PARP8: variants seen among roughly 807,000 people sequenced by gnomAD.
PARP8 encodes the protein poly(ADP-ribose) polymerase family member 8.
Under a neutral mutation model 124.1 loss-of-function variants are expected in PARP8, and 51 were observed. The observed-to-expected ratio is 0.41, with a 90% CI of 0.33 to 0.52. PARP8 has a LOEUF of 0.52. Among genes scored for constraint, PARP8 ranks in the 20% least tolerant of loss-of-function variants. PARP8 has a pLI of 0.21. For synonymous variants in PARP8, 391 were observed against 361.5 expected, an observed-to-expected ratio of 1.08 and a Z score of -0.93; for missense variants, 860 against 1,018.9, an observed-to-expected ratio of 0.84 and a Z score of 2.12.
chr5:50,832,734 C>A, intron 22 of PARP8, 47 bp from the exon 23 acceptor site: 1 of 1,574,448 alleles, frequency 6.4e-7, no homozygotes, highest in South Asian at 1.1e-5. Flanking sequence ...CTTTCAGCTG[C>A]ATCAGACAGC....
intron 2 of PARP8, among the ~76,000 whole-genome samples, chr5:50,677,431 T>G (rs1750761729): frequency 6.6e-6 from 1 of 152,146 alleles, no homozygotes; most frequent in African/African-American, 2.4e-5. Flanking sequence ...TTTAGTTAAC[T>G]AAGACAAAGT....
At chr5:50,722,739 G>T (rs1445179937) in intron 2 of PARP8, among the ~76,000 whole-genome samples, 1 of 152,058 alleles carries the variant, frequency 6.6e-6, no homozygotes, top group African/African-American at 2.4e-5. Context: ...TTCATGTGTG[G>T]ATGTTATATG....
At chr5:50,820,071 A>C (rs1745587041) in intron 15 of PARP8, among the ~76,000 whole-genome samples, 1 of 151,984 alleles carries the variant, frequency 6.6e-6, no homozygotes, top group Non-Finnish European at 1.5e-5. Flanking sequence ...ATGTCTATGT[A>C]CTCGGGGCAT....
Position 50,828,182 on chromosome 5 carries a change from T to C in PARP8, c.2090+126T>C, listed in dbSNP as rs1391647362. On this transcript the variant is annotated intron_variant, in intron 20 of 25. Transcript: ENST00000281631. ...GATGGTCATTCAACAGATGGTCATG[T>C]AGTCAACTACATAATACTTGATTTG... 1.1e-5 allele frequency: 12 copies of C among 1,119,948 alleles called. No homozygotes were observed. The Admixed American group carries it at 2.0e-4, about 19-fold the overall frequency. The allele number at this position is 1,119,948 out of a possible 1,614,324, so 69.4% of individuals were successfully genotyped here.
At chr5:50,760,810 C>T (rs1046007988) in intron 5 of PARP8, among the ~76,000 whole-genome samples, 9 of 152,084 alleles carry the variant, frequency 5.9e-5, no homozygotes, top group Admixed American at 6.6e-5. Flanking sequence ...CATCTTTTCT[C>T]TCCATTTCCA....
chr5:50,809,382 A>T (rs1380174932), intron 14 of PARP8, among the ~76,000 whole-genome samples: 1 of 152,064 alleles, frequency 6.6e-6, no homozygotes, highest in African/African-American at 2.4e-5. Flanking sequence ...TGCTTATTTC[A>T]TTTTTAGTAA....
intron 2 of PARP8, among the ~76,000 whole-genome samples, chr5:50,681,001 A>G (rs183827062): frequency 6.6e-6 from 1 of 152,150 alleles, no homozygotes; most frequent in African/African-American, 2.4e-5. Context: ...TTTTATGCTT[A>G]TGAATTCAAA....
At chr5:50,798,922 G>A in intron 14 of PARP8, among the ~76,000 whole-genome samples, 1 of 152,072 alleles carries the variant, frequency 6.6e-6, no homozygotes, top group East Asian at 1.9e-4. Context: ...TGGGTTATTT[G>A]TATTCTTATT....
intron 2 of PARP8, among the ~76,000 whole-genome samples, chr5:50,722,498 C>T (rs528669284): frequency 1.3e-5 from 2 of 152,154 alleles, no homozygotes; most frequent in East Asian, 1.9e-4. Flanking sequence ...CTGAGTCCCC[C>T]ACTCTTCCTC....
At chr5:50,795,487 A>G in intron 12 of PARP8, 70 bp downstream of exon 12, 1 of 1,298,042 alleles carries the variant, frequency 7.7e-7, no homozygotes, top group Non-Finnish European at 1.0e-6. Flanking sequence ...TTTTTCTTAT[A>G]AGATCTGGTG....
At chr5:50,757,135 C>T (rs140726617) in intron 3 of PARP8, 151 of 455,232 alleles carry the variant, frequency 3.3e-4, no homozygotes, top group African/African-American at 2.8e-3. Context: ...TGAATACTGC[C>T]ACAATGCACA....
intron 25 of PARP8, among the ~76,000 whole-genome samples, chr5:50,836,060 C>T (rs1333562098): frequency 1.3e-5 from 2 of 152,152 alleles, no homozygotes; most frequent in African/African-American, 4.8e-5. Flanking sequence ...CCTGTGTATT[C>T]AGCATTGGAT....
intron 22 of PARP8, among the ~76,000 whole-genome samples, chr5:50,830,841 T>C (rs1256409174): frequency 6.6e-6 from 1 of 152,070 alleles, no homozygotes; most frequent in Non-Finnish European, 1.5e-5. Flanking sequence ...TGTGTGTGTG[T>C]GTGTGTGATT....
chr5:50,739,322 A>G (rs1288329999), intron 2 of PARP8, among the ~76,000 whole-genome samples: 1 of 150,136 alleles, frequency 6.7e-6, no homozygotes, highest in Non-Finnish European at 1.5e-5. Flanking sequence ...TGGAATGGAT[A>G]TTGAGGAGGC....
chr5:50,764,063 C>G (rs1344060453), intron 7 of PARP8, among the ~76,000 whole-genome samples: 1 of 152,158 alleles, frequency 6.6e-6, no homozygotes, highest in Non-Finnish European at 1.5e-5. Flanking sequence ...GTATTTAAGC[C>G]CCAGTCCATG....
At chr5:50,750,257 A>T in intron 3 of PARP8, 69 bp downstream of exon 3, 1 of 1,270,228 alleles carries the variant, frequency 7.9e-7, no homozygotes. Flanking sequence ...TCTTCTGGAG[A>T]TGTAAAACGC....
intron 7 of PARP8, among the ~76,000 whole-genome samples, chr5:50,777,611 G>T (rs1410500380): frequency 6.6e-6 from 1 of 151,826 alleles, no homozygotes; most frequent in Non-Finnish European, 1.5e-5. Flanking sequence ...AGAACACTTG[G>T]ATTGGTTTCT....
intron 10 of PARP8, among the ~76,000 whole-genome samples, chr5:50,788,888 G>A (rs568493678): frequency 6.6e-6 from 1 of 152,102 alleles, no homozygotes; most frequent in Non-Finnish European, 1.5e-5. Context: ...TCCCTAACAT[G>A]ACCAGTGGAG....
At chr5:50,776,142 A>C (rs1387989418) in intron 7 of PARP8, among the ~76,000 whole-genome samples, 4 of 152,234 alleles carry the variant, frequency 2.6e-5, no homozygotes, top group South Asian at 4.1e-4. Context: ...TGTTGAAAAG[A>C]TCATAACATT....
Sources: allele counts gnomAD v4.1 joint callset (sites outside exome capture counted in the v4.1 genomes callset), GRCh38; gene constraint gnomAD v4.1.1; transcripts MANE v1.5; gene names NCBI Gene and HGNC (gene_info 2026-07-23, HGNC 2026-07-21).